Variants in GALNT13 observed in about 807,000 individuals in gnomAD.
GALNT13 encodes polypeptide N-acetylgalactosaminyltransferase 13.
GALNT13 carries 28 observed loss-of-function variants against 64.2 expected under a neutral mutation model. The ratio of observed to expected loss-of-function variants is 0.44; its 90% CI spans 0.32 to 0.60. GALNT13 has a LOEUF of 0.60. GALNT13 is among the 20% of genes least tolerant of loss of function. The pLI, the probability that GALNT13 is intolerant of heterozygous loss-of-function variation, is 0.05. For synonymous variants in GALNT13, 214 were observed against 224.6 expected, an observed-to-expected ratio of 0.95 and a Z score of 0.42; for missense variants, 577 against 669.8, an observed-to-expected ratio of 0.86 and a Z score of 1.53.
the GALNT13 span, among the ~76,000 whole-genome samples, chr2:153,293,774 T>G: frequency 0.34 from 28,473 of 83,130 alleles, 2,913 homozygotes; most frequent in African/African-American, 0.41. Context: ...TGTGTGTGTG[T>G]GTGTGTGTGT....
the GALNT13 span, among the ~76,000 whole-genome samples, chr2:153,149,920 A>AG: frequency 3.9e-4 from 59 of 151,972 alleles, no homozygotes; most frequent in Admixed American, 4.6e-4. Context: ...TAAGAATGGC[A>AG]GGGGTTTTTT....
At chr2:154,088,322 A>G (rs2105432567) in intron 3 of GALNT13, among the ~76,000 whole-genome samples, 1 of 152,302 alleles carries the variant, frequency 6.6e-6, no homozygotes, top group Non-Finnish European at 1.5e-5. Context: ...CCTTTTGTTC[A>G]TTAATCCTAC....
At chr2:154,133,410 G>C (rs1682740583) in intron 3 of GALNT13, among the ~76,000 whole-genome samples, 2 of 151,232 alleles carry the variant, frequency 1.3e-5, no homozygotes. Flanking sequence ...TTTTCATTGT[G>C]AGTTGCTATG....
the GALNT13 span, among the ~76,000 whole-genome samples, chr2:153,545,981 T>C: frequency 3.0e-4 from 45 of 152,182 alleles, no homozygotes; most frequent in African/African-American, 1.1e-3. Context: ...ACCAGCCCTG[T>C]GGTTCGGCAC....
chr2:154,355,151 A>G (rs1316020386), intron 9 of GALNT13, among the ~76,000 whole-genome samples: 1 of 152,040 alleles, frequency 6.6e-6, no homozygotes, highest in Non-Finnish European at 1.5e-5. Flanking sequence ...GCCCAGCCAC[A>G]TGTTTTTCTT....
At chr2:153,736,025 T>A in the GALNT13 span, among the ~76,000 whole-genome samples, 4 of 152,198 alleles carry the variant, frequency 2.6e-5, no homozygotes, top group African/African-American at 9.6e-5. Flanking sequence ...CCATGCCTTA[T>A]CAAACTTTCA....
intron 9 of GALNT13, among the ~76,000 whole-genome samples, chr2:154,322,144 C>CTTTTTTTTTTTTTT (rs70983718): frequency 6.0e-5 from 1 of 16,612 alleles, no homozygotes; most frequent in African/African-American, 2.6e-4. Flanking sequence ...AAAATATGTA[C>CTTTTTTTTTTTTTT]TTTTTTTTTT....
At chr2:153,797,164 CA>C in the GALNT13 span, among the ~76,000 whole-genome samples, 2 of 152,168 alleles carry the variant, frequency 1.3e-5, no homozygotes, top group Admixed American at 1.3e-4. Context: ...AAGTAAATAA[CA>C]GAGAGCCTAA....
chr2:153,646,855 G>A, the GALNT13 span, among the ~76,000 whole-genome samples: 1 of 152,064 alleles, frequency 6.6e-6, no homozygotes, highest in East Asian at 1.9e-4. Context: ...TCTTAATCCA[G>A]TCTATCATTG....
chr2:153,949,888 C>T (rs1393259269), intron 3 of GALNT13, among the ~76,000 whole-genome samples: 2 of 151,872 alleles, frequency 1.3e-5, no homozygotes, highest in African/African-American at 4.8e-5. Context: ...ATAAATGGAA[C>T]CGAGAATAAA....
At chr2:153,096,528 T>C in the GALNT13 span, among the ~76,000 whole-genome samples, 1 of 152,206 alleles carries the variant, frequency 6.6e-6, no homozygotes, top group Non-Finnish European at 1.5e-5. Flanking sequence ...TAATATTTAC[T>C]TTATATATCT....
chr2:154,071,088 G>T (rs1700718411), intron 3 of GALNT13, among the ~76,000 whole-genome samples: 1 of 151,852 alleles, frequency 6.6e-6, no homozygotes, highest in Non-Finnish European at 1.5e-5. Context: ...AATCAATCAG[G>T]GCCATACTAA....
the GALNT13 span, among the ~76,000 whole-genome samples, chr2:153,152,069 T>C: frequency 6.6e-6 from 1 of 151,990 alleles, no homozygotes; most frequent in Non-Finnish European, 1.5e-5. Context: ...GGAGATCAAA[T>C]CTGCTTTCTG....
intron 4 of GALNT13, among the ~76,000 whole-genome samples, chr2:154,163,843 A>C (rs1216056295): frequency 6.6e-6 from 1 of 152,168 alleles, no homozygotes; most frequent in East Asian, 1.9e-4. Context: ...AACATTTCTA[A>C]AAATAGCTTC....
At chr2:153,657,649 C>T in the GALNT13 span, among the ~76,000 whole-genome samples, 3 of 152,122 alleles carry the variant, frequency 2.0e-5, no homozygotes, top group African/African-American at 7.2e-5. Flanking sequence ...TATCATTCTA[C>T]ATCCAGTATT....
At chr2:153,833,216 T>C in the GALNT13 span, among the ~76,000 whole-genome samples, 1 of 152,158 alleles carries the variant, frequency 6.6e-6, no homozygotes, top group African/African-American at 2.4e-5. Context: ...ATTCATGTAA[T>C]CCTTATTTTA....
rs80019094 is a variant in GALNT13 at position 154,426,812 on chromosome 2, G to T, written c.1396-11780G>T. 8.3e-3 allele frequency among the ~76,000 whole-genome samples: 1,258 copies of T among 152,240 alleles called. 17 individuals carry two copies. The highest frequency in any genetic ancestry group is 0.029 in the African/African-American group (1,191 of 41,564). The stretch of plus-strand genomic sequence containing the variant: ...TTTTGTTATTATATTACTGCATGTG[G>T]CTTATTGTATTATCTTGCACTGTTG... On this transcript the variant is annotated intron_variant, in intron 11 of 12. Coordinates refer to ENST00000392825, the MANE Select transcript of GALNT13 (RefSeq NM_052917.4).
At chr2:154,269,904 G>GTA (rs1404105316) in intron 8 of GALNT13, among the ~76,000 whole-genome samples, 2 of 13,168 alleles carry the variant, frequency 1.5e-4, no homozygotes, top group Admixed American at 1.7e-3. Flanking sequence ...TTATATATAT[G>GTA]TGTATATATA....
chr2:153,530,068 A>T, the GALNT13 span, among the ~76,000 whole-genome samples: 1 of 152,138 alleles, frequency 6.6e-6, no homozygotes, highest in East Asian at 1.9e-4. Flanking sequence ...CAGACAAGTG[A>T]AAAATAAAGT....
Sources: allele counts gnomAD v4.1 joint callset (sites outside exome capture counted in the v4.1 genomes callset), GRCh38; gene constraint gnomAD v4.1.1; transcripts MANE v1.5; gene names NCBI Gene and HGNC (gene_info 2026-07-23, HGNC 2026-07-21).